CDH22: variants seen among roughly 807,000 people sequenced by gnomAD.
The protein encoded by CDH22 is cadherin-22.
In CDH22, 30 loss-of-function variants were observed where a neutral mutation model predicts 58.4. The ratio of observed to expected loss-of-function variants is 0.51; its 90% CI spans 0.38 to 0.70. CDH22 has a LOEUF of 0.70. Ranked by LOEUF, CDH22 falls within the 30% of genes least tolerant of loss-of-function variation. The pLI is 0.00. For missense variants in CDH22, 1,014 were observed against 1,233.9 expected, an observed-to-expected ratio of 0.82 and a Z score of 2.67; for synonymous variants, 513 against 558.2, an observed-to-expected ratio of 0.92 and a Z score of 1.14.
chr20:46,178,109 A>G lies in CDH22; in HGVS notation c.1752T>C (p.Ser584=), dbSNP rs2085754352. The G allele has an allele frequency of 6.2e-7, 1 of 1,614,018 alleles. No individual in the cohort carries two copies. The highest frequency in any genetic ancestry group is 8.5e-7 in the Non-Finnish European group (1 of 1,179,970). The change falls in exon 11 of 12, where the codon AGT becomes AGC. Residue 584 remains serine, a synonymous_variant. Transcript: ENST00000537909. ...VFFLPILVVD[S]GPPTLSSTGT... ...CTGTGCTGCTCAGTGTGGGCGGCCC[A>G]CTGTCTACCACCAGGATGGGCAGGA...
At chr20:46,307,917 G>T (rs557205148) in intron 1 of CDH22, among the ~76,000 whole-genome samples, 46 of 152,012 alleles carry the variant, frequency 3.0e-4, no homozygotes, top group African/African-American at 1.0e-3. Context: ...GGCCCCTGGC[G>T]CTGCCACCCC....
At position 46,211,471 on chromosome 20, in the gene CDH22, G is replaced by A. The variant is rs981499553; in HGVS notation, c.1033-911C>T. Among the ~76,000 whole-genome samples, 9 of 152,332 alleles carry A rather than the reference G, an allele frequency of 5.9e-5. No individual in the cohort carries two copies. In the East Asian group the frequency reaches 1.2e-3, roughly 20 times the overall value. Reference sequence around the variant, plus strand: ...GAAATCAGGATGCAGGGAGGCAGGCGGTGGCCTGGCCTAGGAGTGAGTGGT... The same window carrying A: ...GAAATCAGGATGCAGGGAGGCAGGCAGTGGCCTGGCCTAGGAGTGAGTGGT... On this transcript the variant is annotated intron_variant, in intron 6 of 11. Coordinates refer to ENST00000537909, the MANE Select transcript of CDH22 (RefSeq NM_021248.3).
chr20:46,281,733 G>A (rs536903520), intron 1 of CDH22, among the ~76,000 whole-genome samples: 3 of 152,308 alleles, frequency 2.0e-5, no homozygotes, highest in South Asian at 2.1e-4. Flanking sequence ...CACATCTGTC[G>A]ACCCACACCT....
chr20:46,296,448 GC>G (rs1195023721), intron 1 of CDH22, among the ~76,000 whole-genome samples: 16 of 152,328 alleles, frequency 1.1e-4, no homozygotes, highest in Admixed American at 5.9e-4. Flanking sequence ...GCCCAGATCT[GC>G]CTGTCTCTGA....
chr20:46,270,556 T>C (rs1257470979), intron 1 of CDH22, among the ~76,000 whole-genome samples: 2 of 152,218 alleles, frequency 1.3e-5, no homozygotes, highest in Non-Finnish European at 2.9e-5. Context: ...AATCCTCTTC[T>C]TCCTGAGTTT....
rs1256503079 is a variant in CDH22, at chr20:46,251,212, G to GGCGGCA, written c.77_82dup (p.Leu26_Pro27dup). 6.8e-6 allele frequency: 10 copies of GGCGGCA among 1,468,304 alleles called. No homozygotes were observed. Among genetic ancestry groups the GGCGGCA allele is most frequent in the Non-Finnish European group, 8.1e-6 (9 of 1,111,952 alleles). 91.0% of individuals were successfully genotyped at this position (1,468,304 alleles called of 1,614,324 possible). On this transcript the variant is annotated inframe_insertion, in exon 2 of 12. Transcript: ENST00000537909. This position sits in a 1 kb window ranked among gnomAD's most constrained non-coding sequence, Gnocchi z 6.7. ...CAGGCGCCCCAGCAGCGTCGGCGGC[G>GGCGGCA]GCGGCAGCAGCAGCAGCAGCAGTAG... is the stretch of plus-strand genomic sequence containing the variant.
intron 7 of CDH22, among the ~76,000 whole-genome samples, chr20:46,202,432 C>G (rs2085968145): frequency 6.6e-6 from 1 of 151,324 alleles, no homozygotes; most frequent in Non-Finnish European, 1.5e-5. Context: ...CGGCTCACTG[C>G]AAGCTCCGCC....
chr20:46,286,388 C>A (rs148305537), intron 1 of CDH22, among the ~76,000 whole-genome samples: 19 of 152,170 alleles, frequency 1.2e-4, no homozygotes, highest in African/African-American at 4.3e-4. Flanking sequence ...TCAGTCTCAC[C>A]CCATTAGCGC....
At chr20:46,246,937 C>T (rs1048124307) in intron 2 of CDH22, among the ~76,000 whole-genome samples, 1 of 148,364 alleles carries the variant, frequency 6.7e-6, no homozygotes, top group African/African-American at 2.5e-5. Flanking sequence ...TATGTGCCCA[C>T]ACAAGCACTC....
chr20:46,285,384 T>A (rs1384167206), intron 1 of CDH22, among the ~76,000 whole-genome samples: 1 of 152,212 alleles, frequency 6.6e-6, no homozygotes, highest in Non-Finnish European at 1.5e-5. Context: ...AGTGCAGTGC[T>A]TCTCAACCAG....
intron 1 of CDH22, among the ~76,000 whole-genome samples, chr20:46,288,254 C>G (rs1346371462): frequency 2.6e-5 from 4 of 152,128 alleles, no homozygotes; most frequent in African/African-American, 9.7e-5. Flanking sequence ...ATGAATCCCT[C>G]CCTGGTACCC....
At chr20:46,196,337 T>C (rs981015181) in intron 8 of CDH22, among the ~76,000 whole-genome samples, 1 of 152,058 alleles carries the variant, frequency 6.6e-6, no homozygotes, top group Non-Finnish European at 1.5e-5. Context: ...CGCAGGGGCA[T>C]GATCTTGGCT....
chr20:46,302,487 A>C (rs1242475383), intron 1 of CDH22, among the ~76,000 whole-genome samples: 2 of 152,212 alleles, frequency 1.3e-5, no homozygotes, highest in Non-Finnish European at 2.9e-5. Context: ...CAGTGAGAAA[A>C]GAAAACTAAA....
At chr20:46,243,663 A>G (rs890683064) in intron 2 of CDH22, among the ~76,000 whole-genome samples, 2 of 152,018 alleles carry the variant, frequency 1.3e-5, no homozygotes, top group African/African-American at 4.8e-5. Context: ...TTTTTCCACC[A>G]TTGCCCCAGG....
chr20:46,240,209 GGGA>G (rs1216005799), intron 3 of CDH22, among the ~76,000 whole-genome samples: 1 of 152,038 alleles, frequency 6.6e-6, no homozygotes, highest in African/African-American at 2.4e-5. Flanking sequence ...TGCACACCAG[GGGA>G]GCTGGACCCC....
chr20:46,244,623 C>G (rs969975740), intron 2 of CDH22, among the ~76,000 whole-genome samples: 1 of 152,130 alleles, frequency 6.6e-6, no homozygotes, highest in Non-Finnish European at 1.5e-5. Context: ...CTGAGATGGC[C>G]CCCGGTCTGT....
intron 1 of CDH22, among the ~76,000 whole-genome samples, chr20:46,295,435 G>C (rs2086625072): frequency 6.6e-6 from 1 of 152,258 alleles, no homozygotes; most frequent in East Asian, 1.9e-4. Context: ...CCCTTACATA[G>C]GGCTTATGAA....
chr20:46,276,435 C>T (rs187195543), intron 1 of CDH22, among the ~76,000 whole-genome samples: 6 of 152,186 alleles, frequency 3.9e-5, no homozygotes, highest in East Asian at 1.9e-4. Context: ...AATTGACAGT[C>T]GTGGGCGATT....
At chr20:46,200,910 G>A (rs571684527) in intron 7 of CDH22, among the ~76,000 whole-genome samples, 14 of 152,294 alleles carry the variant, frequency 9.2e-5, no homozygotes, top group African/African-American at 3.4e-4. Flanking sequence ...GGCGAGTGCC[G>A]TGGGAGGGGG....
Sources: gnomAD v4.1 joint callset for allele counts (sites outside exome capture counted in the v4.1 genomes callset) on GRCh38, gnomAD v4.1.1 for gene constraint, Gnocchi (gnomAD v3.1) non-coding constraint, MANE v1.5 for transcripts, NCBI Gene and HGNC (gene_info 2026-07-23, HGNC 2026-07-21) for gene names.